Variants in KAT6A observed in about 807,000 individuals in gnomAD.
The protein encoded by KAT6A is lysine acetyltransferase 6A.
In KAT6A, 9 loss-of-function variants were observed where a neutral mutation model predicts 198.4. The observed-to-expected ratio is 0.05, with a 90% CI of 0.03 to 0.08. The LOEUF (loss-of-function observed/expected upper bound fraction) is 0.08, where lower values mean the gene tolerates loss of function less well. KAT6A is among the 10% of genes least tolerant of loss of function. The pLI is 1.00. For synonymous variants in KAT6A, 890 were observed against 883.0 expected (o/e 1.01, Z -0.14); for missense variants, 2,077 against 2,509.9 (o/e 0.83, Z 3.69).
At chr8:41,982,356 G>T (rs1366209898) in intron 3 of KAT6A, among the ~76,000 whole-genome samples, 1 of 151,980 alleles carries the variant, frequency 6.6e-6, no homozygotes, top group East Asian at 1.9e-4. Flanking sequence ...TAACATCCTA[G>T]AAAACTGAGC....
chr8:42,004,300 T>A (rs913468386), intron 2 of KAT6A, among the ~76,000 whole-genome samples: 3 of 152,152 alleles, frequency 2.0e-5, no homozygotes, highest in African/African-American at 7.2e-5. Context: ...AATTAATGGT[T>A]CCTAAACTGT....
intron 2 of KAT6A, among the ~76,000 whole-genome samples, chr8:41,995,971 C>A (rs576655845): frequency 3.3e-5 from 5 of 152,054 alleles, no homozygotes; most frequent in Non-Finnish European, 7.4e-5. Context: ...CCACCACGCC[C>A]GGTCCCAATT....
intron 10 of KAT6A, 40 bp from the exon 11 acceptor site, chr8:41,947,952 T>A: frequency 6.8e-7 from 1 of 1,475,246 alleles, no homozygotes; most frequent in Non-Finnish European, 9.2e-7. Flanking sequence ...GTAGAGGGTC[T>A]CTTTAGTTCT....
At chr8:42,014,291 AT>A (rs1010023048) in intron 2 of KAT6A, among the ~76,000 whole-genome samples, 1 of 152,150 alleles carries the variant, frequency 6.6e-6, no homozygotes, top group African/African-American at 2.4e-5. Context: ...GCTACAGTTA[AT>A]TTTCATACCA....
chr8:41,974,296 C>G (rs1451425108), intron 8 of KAT6A: 5 of 152,500 alleles, frequency 3.3e-5, no homozygotes, highest in Non-Finnish European at 7.3e-5. Context: ...CCCAGCTGGT[C>G]TCAAACTCCC....
chr8:41,953,369 A>C (rs1822760394), intron 9 of KAT6A, among the ~76,000 whole-genome samples: 2 of 152,232 alleles, frequency 1.3e-5, no homozygotes, highest in African/African-American at 4.8e-5. Flanking sequence ...TTTCTTTTCT[A>C]AGTTGAGTGC....
At chr8:42,023,383 A>T (rs141582082) in intron 2 of KAT6A, among the ~76,000 whole-genome samples, 40 of 152,296 alleles carry the variant, frequency 2.6e-4, no homozygotes, top group African/African-American at 9.1e-4. Context: ...CCTTACCACA[A>T]TGTAACTTTT....
At chr8:42,037,380 A>G (rs549468211) in intron 2 of KAT6A, among the ~76,000 whole-genome samples, 1 of 152,336 alleles carries the variant, frequency 6.6e-6, no homozygotes, top group East Asian at 1.9e-4. Context: ...ATTAAAGTAC[A>G]GAATCACACT....
intron 2 of KAT6A, among the ~76,000 whole-genome samples, chr8:42,048,152 T>C (rs1328588493): frequency 1.3e-5 from 2 of 152,188 alleles, no homozygotes; most frequent in African/African-American, 2.4e-5. Context: ...TAAGTTCTTT[T>C]AGTCAGATTA....
rs1366720834 is a variant in KAT6A at position 42,024,944 on chromosome 8, T to C, written c.600+23434A>G. The stretch of plus-strand genomic sequence containing the variant: ...TATCCCTTTGATATGCTGATTCTCC[T>C]TCCTTTAGATAAACACCTAATAGTG... On this transcript the variant is annotated intron_variant, in intron 2 of 16. Transcript: ENST00000265713. 2.0e-5 allele frequency among the ~76,000 whole-genome samples: 3 copies of C among 152,208 alleles called. 1 individual carries two copies. The highest frequency in any genetic ancestry group is 4.4e-5 in the Non-Finnish European group (3 of 68,038).
At chr8:42,051,604 G>C (rs1203593864) in intron 1 of KAT6A, among the ~76,000 whole-genome samples, 1 of 145,312 alleles carries the variant, frequency 6.9e-6, no homozygotes, top group Non-Finnish European at 1.5e-5. Flanking sequence ...GGCCCGGCCG[G>C]CGGGATCGGG....
intron 2 of KAT6A, among the ~76,000 whole-genome samples, chr8:41,994,948 C>A (rs1332919251): frequency 6.6e-6 from 1 of 151,910 alleles, no homozygotes; most frequent in Non-Finnish European, 1.5e-5. Flanking sequence ...CCCAGCTACT[C>A]AAAAGGCTGA....
chr8:41,986,640 T>C (rs942481387), intron 3 of KAT6A, among the ~76,000 whole-genome samples: 6 of 152,162 alleles, frequency 3.9e-5, no homozygotes, highest in Non-Finnish European at 7.3e-5. Context: ...ATTTCAGCTA[T>C]ATATTCAAAT....
At chr8:41,956,609 A>G (rs965042909) in intron 8 of KAT6A, among the ~76,000 whole-genome samples, 1 of 152,182 alleles carries the variant, frequency 6.6e-6, no homozygotes, top group East Asian at 1.9e-4. Context: ...TCTCTTTTAT[A>G]AAAGGCCAAG....
intron 1 of KAT6A, among the ~76,000 whole-genome samples, chr8:42,051,673 G>A (rs1424081142): frequency 1.4e-5 from 2 of 145,566 alleles, no homozygotes; most frequent in Non-Finnish European, 3.0e-5. Context: ...GGCCGGGGCA[G>A]CCGGGCGCCG....
chr8:41,948,387 T>TAA (rs1416257780), intron 10 of KAT6A, among the ~76,000 whole-genome samples: 1 of 152,154 alleles, frequency 6.6e-6, no homozygotes, highest in African/African-American at 2.4e-5. Context: ...TGAACCCAGA[T>TAA]AAAACTACTT....
intron 2 of KAT6A, among the ~76,000 whole-genome samples, chr8:41,996,681 C>G (rs1299477387): frequency 6.6e-6 from 1 of 152,164 alleles, no homozygotes; most frequent in Non-Finnish European, 1.5e-5. Context: ...TCGCTTCTGT[C>G]TTCTGCCCTT....
At chr8:42,023,249 T>C (rs941244369) in intron 2 of KAT6A, among the ~76,000 whole-genome samples, 4 of 152,120 alleles carry the variant, frequency 2.6e-5, no homozygotes, top group Non-Finnish European at 5.9e-5. Flanking sequence ...AGAAAGTCAG[T>C]GAATGAGTGG....
intron 2 of KAT6A, among the ~76,000 whole-genome samples, chr8:42,017,302 T>A (rs921991816): frequency 6.6e-6 from 1 of 152,192 alleles, no homozygotes; most frequent in African/African-American, 2.4e-5. Flanking sequence ...GCCAGGCCCC[T>A]TGAGAGACAC....
Sources: gnomAD v4.1 joint callset for allele counts (sites outside exome capture counted in the v4.1 genomes callset) on GRCh38, gnomAD v4.1.1 for gene constraint, MANE v1.5 for transcripts, NCBI Gene and HGNC (gene_info 2026-07-23, HGNC 2026-07-21) for gene names.